The following COBLL1 variants were observed in gnomAD, a reference collection of about 807,000 sequenced individuals.
COBLL1 encodes cordon-bleu protein-like 1.
Under a neutral mutation model 94.8 loss-of-function variants are expected in COBLL1, and 50 were observed. The observed-to-expected ratio is 0.53, with a 90% CI of 0.42 to 0.67. The LOEUF (loss-of-function observed/expected upper bound fraction) is 0.67. Among genes scored for constraint, COBLL1 ranks in the 30% least tolerant of loss-of-function variants. The pLI, the probability that COBLL1 is intolerant of heterozygous loss-of-function variation, is 0.00. For missense variants in COBLL1, 1,362 were observed against 1,348.7 expected, an observed-to-expected ratio of 1.01 and a Z score of -0.15; for synonymous variants, 448 against 473.8, an observed-to-expected ratio of 0.95 and a Z score of 0.71.
intron 7 of COBLL1, among the ~76,000 whole-genome samples, chr2:164,712,470 A>G (rs961514962): frequency 6.6e-6 from 1 of 152,094 alleles, no homozygotes; most frequent in African/African-American, 2.4e-5. Flanking sequence ...TTCTTCTCCA[A>G]CCTGGACATT....
intron 2 of COBLL1, among the ~76,000 whole-genome samples, chr2:164,789,717 T>C (rs2105294299): frequency 6.6e-6 from 1 of 152,208 alleles, no homozygotes; most frequent in East Asian, 1.9e-4. Context: ...AACCCAGTCA[T>C]CAGCAAGCCT....
At chr2:164,677,809 A>T (rs950932986), downstream of COBLL1, among the ~76,000 whole-genome samples, 1 of 152,176 alleles carries the variant, frequency 6.6e-6, no homozygotes, top group Non-Finnish European at 1.5e-5. Context: ...TAGAGAGATA[A>T]ATGGATATAT....
chr2:164,730,182 A>G, intron 3 of COBLL1, 67 bp from the exon 4 acceptor site: 1 of 1,323,206 alleles, frequency 7.6e-7, no homozygotes, highest in Non-Finnish European at 1.1e-6. Context: ...CTTGTCTTCA[A>G]TAGATAAACA....
chr2:164,789,603 G>A (rs987603513), intron 2 of COBLL1, among the ~76,000 whole-genome samples: 1 of 152,042 alleles, frequency 6.6e-6, no homozygotes, highest in Non-Finnish European at 1.5e-5. Context: ...AGAAAACTTA[G>A]CTATTCCATC....
chr2:164,722,359 T>C, intron 6 of COBLL1, 48 bp from the exon 7 acceptor site: 1 of 1,538,802 alleles, frequency 6.5e-7, no homozygotes, highest in Non-Finnish European at 8.9e-7. Context: ...AAGATATTAG[T>C]AAAAAGCATT....
intron 1 of COBLL1, among the ~76,000 whole-genome samples, chr2:164,668,896 C>T (rs1202330788): frequency 6.6e-6 from 1 of 152,176 alleles, no homozygotes; most frequent in Non-Finnish European, 1.5e-5. Flanking sequence ...TAATTATTGC[C>T]TTAGGATAAA....
At chr2:164,819,640 A>G (rs867981298) in intron 2 of COBLL1, among the ~76,000 whole-genome samples, 2 of 152,262 alleles carry the variant, frequency 1.3e-5, no homozygotes, top group African/African-American at 4.8e-5. Context: ...GAAAGAAACA[A>G]TTGTTCAGAA....
intron 3 of COBLL1, 140 bp from the exon 4 acceptor site, chr2:164,730,255 C>A: frequency 1.3e-6 from 1 of 746,574 alleles, no homozygotes; most frequent in Non-Finnish European, 2.2e-6. Flanking sequence ...AGCTACAGGC[C>A]AAGGCAGGAG....
chr2:164,790,288 G>C (rs754052661), intron 2 of COBLL1, among the ~76,000 whole-genome samples: 1 of 152,072 alleles, frequency 6.6e-6, no homozygotes, highest in Non-Finnish European at 1.5e-5. Flanking sequence ...CCATGGGACG[G>C]CATCCTATCT....
intron 2 of COBLL1, among the ~76,000 whole-genome samples, chr2:164,806,821 TC>T (rs1186062636): frequency 2.0e-5 from 3 of 152,222 alleles, no homozygotes; most frequent in Admixed American, 2.0e-4. Flanking sequence ...CACCCCAGCC[TC>T]CTGAGTAGCA....
intron 2 of COBLL1, among the ~76,000 whole-genome samples, chr2:164,834,789 AT>A (rs1683243003): frequency 1.3e-5 from 2 of 152,242 alleles, no homozygotes; most frequent in Non-Finnish European, 2.9e-5. Flanking sequence ...AGGATAACAG[AT>A]TAACATCCAG....
In COBLL1 at chr2:164,704,436, T is replaced by A; in HGVS notation, c.1225+8A>T. On this transcript the variant is annotated splice_region_variant and intron_variant, in intron 9 of 13. Coordinates refer to ENST00000652658, the MANE Select transcript of COBLL1 (RefSeq NM_001365672.2). ...GTAATTACACCATGTAGAATAAGGGTGTCATACCTGGGCTGGATAGCTCCT... is the reference window on the plus strand; with the variant it reads ...GTAATTACACCATGTAGAATAAGGGAGTCATACCTGGGCTGGATAGCTCCT... 1.9e-6 allele frequency: 3 copies of A among 1,577,962 alleles called. No homozygotes were observed. Among genetic ancestry groups the A allele is most frequent in the Non-Finnish European group, 2.6e-6 (3 of 1,147,326 alleles).
intron 13 of COBLL1, chr2:164,687,241 A>G: frequency 2.6e-6 from 1 of 377,978 alleles, no homozygotes. Flanking sequence ...GAGGAAGTAG[A>G]ATTTATTGGT....
intron 2 of COBLL1, among the ~76,000 whole-genome samples, chr2:164,817,363 A>C (rs1365871744): frequency 4.7e-5 from 4 of 85,862 alleles, no homozygotes; most frequent in African/African-American, 1.7e-4. Flanking sequence ...GTATATATTA[A>C]AAAAAAAAAA....
At chr2:164,798,881 A>T (rs1280553369) in intron 2 of COBLL1, among the ~76,000 whole-genome samples, 1 of 151,958 alleles carries the variant, frequency 6.6e-6, no homozygotes, top group Non-Finnish European at 1.5e-5. Flanking sequence ...TTAGCCGGGC[A>T]AGGTGGCGCA....
intron 2 of COBLL1, among the ~76,000 whole-genome samples, chr2:164,759,333 A>C (rs1048466454): frequency 6.6e-6 from 1 of 152,186 alleles, no homozygotes; most frequent in Non-Finnish European, 1.5e-5. Flanking sequence ...AGCTAAAAGA[A>C]CTATTTGGAC....
At position 164,681,503 on chromosome 2, in the gene COBLL1, T is replaced by C. The variant is rs950479745; in HGVS notation, c.*4443A>G. ...TGGGTGGGAGAGGGGGCTCTGCCTC[T>C]TTAATGAGAGGAGCTGCAAAGTCAC... On this transcript the variant is annotated 3_prime_UTR_variant, in exon 14 of 14. Transcript: ENST00000652658. The C allele has an allele frequency of 5.3e-5, 8 of 152,270 alleles. No homozygotes were observed. Among genetic ancestry groups the C allele is most frequent in the African/African-American group, 1.9e-4 (8 of 41,448 alleles). 9.4% of individuals were successfully genotyped at this position (152,270 alleles called of 1,614,324 possible).
At chr2:164,687,635 T>A in intron 13 of COBLL1, 3 of 958,868 alleles carry the variant, frequency 3.1e-6, no homozygotes, top group Non-Finnish European at 5.0e-6. Context: ...TGAACATACA[T>A]CTGAAAGGCC....
intron 9 of COBLL1, chr2:164,703,040 A>T: frequency 1.1e-6 from 1 of 883,606 alleles, no homozygotes; most frequent in Non-Finnish European, 1.8e-6. Flanking sequence ...CATCAAATTT[A>T]CAGTCGATGA....
Sources: allele counts gnomAD v4.1 joint callset (sites outside exome capture counted in the v4.1 genomes callset), GRCh38; gene constraint gnomAD v4.1.1; transcripts MANE v1.5; gene names NCBI Gene and HGNC (gene_info 2026-07-23, HGNC 2026-07-21).